The following NET1 variants were observed in gnomAD, a reference collection of about 807,000 sequenced individuals.
NET1 encodes the protein neuroepithelial cell transforming 1.
A neutral mutation model predicts 61.1 loss-of-function variants in NET1; 42 were observed. The ratio of observed to expected loss-of-function variants is 0.69; its 90% confidence interval spans 0.54 to 0.89. NET1 has a LOEUF of 0.89. NET1 is among the 40% of genes least tolerant of loss of function. The probability of loss-of-function intolerance (pLI) is 0.00; values close to 1 mark genes in which losing one functional copy is unlikely to be tolerated. For synonymous variants in NET1, 254 were observed against 281.8 expected (o/e 0.90, Z 0.99); for missense variants, 654 against 747.3 (o/e 0.88, Z 1.46).
Position 5,451,261 on chromosome 10 carries a change from C to T in NET1, c.256-569C>T, listed in dbSNP as rs1332575979. On this transcript the variant is annotated intron_variant, in intron 3 of 11. Transcript: ENST00000355029. This position sits in a 1 kb window ranked among gnomAD's most constrained non-coding sequence, Gnocchi z 6.1. The stretch of plus-strand genomic sequence containing the variant: ...CTCTTTTAACTCCTCCCTGCCTTGG[C>T]TTCAATATTTTTCAGCCCATTCCAG... 6.6e-6 allele frequency among the ~76,000 whole-genome samples: 1 copy of T among 152,106 alleles called. No homozygotes were observed. Among genetic ancestry groups the T allele is most frequent in the Non-Finnish European group, 1.5e-5 (1 of 68,010 alleles).
Position 5,453,666 on chromosome 10 carries a change from A to G in NET1, c.768+106A>G. 2 of 979,368 alleles carry G rather than the reference A, an allele frequency of 2.0e-6. No individual in the cohort carries two copies. The highest frequency in any genetic ancestry group is 3.3e-6 in the Non-Finnish European group (2 of 611,610). The allele number at this position is 979,368 out of a possible 1,614,324, so 60.7% of individuals were successfully genotyped here. On this transcript the variant is annotated intron_variant, in intron 8 of 11. Transcript: ENST00000355029. The surrounding 1 kb of genome is among the most constrained non-coding windows in gnomAD (Gnocchi z 4.9). ...TTGATCCCACAACTCTGTTCTACAA[A>G]CACATAAGGCGTTAAAACTGAACAA... is the stretch of plus-strand genomic sequence containing the variant.
intron 1 of NET1, among the ~76,000 whole-genome samples, chr10:5,419,303 C>CTTGGTTGGTTGGTTGG (rs71294428): frequency 7.0e-6 from 1 of 142,426 alleles, no homozygotes; most frequent in Non-Finnish European, 1.6e-5. Context: ...ATAGTTGGAT[C>CTTGGTTGGTTGGTTGG]TTGGTTGGTT....
At position 5,452,578 on chromosome 10, in the gene NET1, C is replaced by T. The variant is rs917231946; in HGVS notation, c.531+53C>T. ...TCCCAAAAGAACAGCAAATTGATGC[C>T]GATGGCAAAATTAACTTGGATTTTT... On this transcript the variant is annotated intron_variant, in intron 5 of 11. Transcript: ENST00000355029. The surrounding 1 kb of genome is among the most constrained non-coding windows in gnomAD (Gnocchi z 4.0). 7 of 1,534,116 alleles carry T rather than the reference C, an allele frequency of 4.6e-6. No homozygotes were observed. Among genetic ancestry groups the T allele is most frequent in the East Asian group, 2.3e-5 (1 of 43,818 alleles).
rs1348050831 is a variant in NET1 at position 5,417,450 on chromosome 10, T to C, written c.128+4630T>C. On this transcript the variant is annotated intron_variant, in intron 1 of 11. Transcript: ENST00000355029. The surrounding 1 kb of genome is among the most constrained non-coding windows in gnomAD (Gnocchi z 5.5). ...TCTACGCAGCACTTCCCTGCCCCGCTTTGTATCACTTTATTTTCAGTTTAA... is the reference window on the plus strand; with the variant it reads ...TCTACGCAGCACTTCCCTGCCCCGCCTTGTATCACTTTATTTTCAGTTTAA... Among the ~76,000 whole-genome samples the C allele has an allele frequency of 2.0e-5, 3 of 152,186 alleles. No individual in the cohort carries two copies. Among genetic ancestry groups the C allele is most frequent in the Non-Finnish European group, 4.4e-5 (3 of 68,022 alleles).
At chr10:5,433,739 T>C (rs1363643162) in intron 3 of NET1, among the ~76,000 whole-genome samples, 1 of 152,182 alleles carries the variant, frequency 6.6e-6, no homozygotes, top group Non-Finnish European at 1.5e-5. Flanking sequence ...TCTTGAATTA[T>C]ACCTTTTGGT....
chr10:5,445,442 C>T (rs1239658699), intron 3 of NET1, among the ~76,000 whole-genome samples: 1 of 152,282 alleles, frequency 6.6e-6, no homozygotes, highest in South Asian at 2.1e-4. Context: ...ACACAATGGT[C>T]TCTTTAGCAG....
chr10:5,446,596 G>A lies in NET1; in HGVS notation c.256-5234G>A. 1 of 1,210,974 alleles carries A rather than the reference G, an allele frequency of 8.3e-7. No individual in the cohort carries two copies. Among genetic ancestry groups the A allele is most frequent in the South Asian group, 3.5e-5 (1 of 28,406 alleles). The allele number at this position is 1,210,974 out of a possible 1,614,324, so 75.0% of individuals were successfully genotyped here. A position where few individuals can be genotyped will look rare whatever the true frequency, so the allele number is the denominator to read the frequency against. ...CCGAGCCCTGGGGTCGGTGCTTGCT[G>A]CCTGCGGCTCTCAGAAGCCTCTGCT... On this transcript the variant is annotated intron_variant, in intron 3 of 11. Transcript: ENST00000355029. This position sits in a 1 kb window ranked among gnomAD's most constrained non-coding sequence, Gnocchi z 5.0.
intron 3 of NET1, among the ~76,000 whole-genome samples, chr10:5,438,897 C>T (rs562907021): frequency 2.1e-4 from 32 of 152,318 alleles, no homozygotes; most frequent in African/African-American, 7.0e-4. Context: ...GCACACTGAA[C>T]CTTCATGCCT....
rs1358985013 is a variant in NET1, at chr10:5,458,163, G to T, written c.*1169G>T. On this transcript the variant is annotated 3_prime_UTR_variant, in exon 12 of 12. Coordinates refer to ENST00000355029, the MANE Select transcript of NET1 (RefSeq NM_001047160.3). This position sits in a 1 kb window ranked among gnomAD's most constrained non-coding sequence, Gnocchi z 4.5. ...TGAGTTTGAAAAGAAACAATGAAATGTGTTAAAAATTTGACCATATTAGAT... is the reference window on the plus strand; with the variant it reads ...TGAGTTTGAAAAGAAACAATGAAATTTGTTAAAAATTTGACCATATTAGAT... The T allele has an allele frequency of 6.6e-6, 1 of 152,138 alleles. No individual in the cohort carries two copies. The highest frequency in any genetic ancestry group is 1.5e-5 in the Non-Finnish European group (1 of 68,024). The allele number at this position is 152,138 out of a possible 1,614,324, so 9.4% of individuals were successfully genotyped here. A position where few individuals can be genotyped will look rare whatever the true frequency, so the allele number is the denominator to read the frequency against.
chr10:5,435,136 G>A lies in NET1; in HGVS notation c.255+5907G>A, dbSNP rs1832407562. On this transcript the variant is annotated intron_variant, in intron 3 of 11. Transcript: ENST00000355029. This position sits in a 1 kb window ranked among gnomAD's most constrained non-coding sequence, Gnocchi z 5.0. Reference sequence around the variant, plus strand: ...TGCAGATCAGAGTCACCTGAGGGTGGCTTGTGTAGCAGGAGAAGTGTGCTA... The same window carrying A: ...TGCAGATCAGAGTCACCTGAGGGTGACTTGTGTAGCAGGAGAAGTGTGCTA... Among the ~76,000 whole-genome samples, 1 of 152,196 alleles carries A rather than the reference G, an allele frequency of 6.6e-6. No homozygotes were observed. The highest frequency in any genetic ancestry group is 1.5e-5 in the Non-Finnish European group (1 of 68,034).
chr10:5,428,038 C>CCTTTTT (rs767299959), intron 2 of NET1, among the ~76,000 whole-genome samples: 2 of 113,904 alleles, frequency 1.8e-5, no homozygotes, highest in African/African-American at 3.4e-5. Flanking sequence ...TTTGCCGTTC[C>CCTTTTT]TTTTTTTTTT....
In NET1 at chr10:5,435,534, C is replaced by CAGATAGAT. The variant is rs1172341353; in HGVS notation, c.255+6308_255+6309insTAGATAGA. On this transcript the variant is annotated intron_variant, in intron 3 of 11. Coordinates refer to ENST00000355029, the MANE Select transcript of NET1 (RefSeq NM_001047160.3). This position sits in a 1 kb window ranked among gnomAD's most constrained non-coding sequence, Gnocchi z 5.0. ...ATAGATAGATAGATAGATAGATAGACAGACAGACAGATAGATAGATAGATA... is the reference window on the plus strand; with the variant it reads ...ATAGATAGATAGATAGATAGATAGACAGATAGATAGACAGACAGATAGATAGATAGATA... Among the ~76,000 whole-genome samples the CAGATAGAT allele has an allele frequency of 2.0e-3, 12 of 5,928 alleles. No homozygotes were observed. The highest frequency in any genetic ancestry group is 2.4e-3 in the African/African-American group (10 of 4,148). 3.9% of individuals were successfully genotyped at this position (5,928 alleles called of 152,430 possible). A position where few individuals can be genotyped will look rare whatever the true frequency, so the allele number is the denominator to read the frequency against.
At position 5,429,338 on chromosome 10, in the gene NET1, G is replaced by GT. The variant is rs997187504; in HGVS notation, c.255+115dup. ...CTGGTTTGGGTTTTTTTGTTTTTTT[G>GT]TTTTTTGCATTTTGTAAGTGCAAAA... On this transcript the variant is annotated intron_variant, in intron 3 of 11. Coordinates refer to ENST00000355029, the MANE Select transcript of NET1 (RefSeq NM_001047160.3). 13 of 828,450 alleles carry GT rather than the reference G, an allele frequency of 1.6e-5. No homozygotes were observed. In the African/African-American group the frequency reaches 1.9e-4, roughly 12 times the overall value. 51.3% of individuals were successfully genotyped at this position (828,450 alleles called of 1,614,324 possible). A position where few individuals can be genotyped will look rare whatever the true frequency, so the allele number is the denominator to read the frequency against.
At position 5,417,132 on chromosome 10, in the gene NET1, G is replaced by C. The variant is rs538360752; in HGVS notation, c.128+4312G>C. On this transcript the variant is annotated intron_variant, in intron 1 of 11. Coordinates refer to ENST00000355029, the MANE Select transcript of NET1 (RefSeq NM_001047160.3). This position sits in a 1 kb window ranked among gnomAD's most constrained non-coding sequence, Gnocchi z 5.5. Reference sequence around the variant, plus strand: ...TCCAACCTCCCTGGCCAAGCTCTGCGTCATTCTGCGAATCGATGGCCTGCC... The same window carrying C: ...TCCAACCTCCCTGGCCAAGCTCTGCCTCATTCTGCGAATCGATGGCCTGCC... Among the ~76,000 whole-genome samples, 2 of 151,126 alleles carry C rather than the reference G, an allele frequency of 1.3e-5. No homozygotes were observed. The highest frequency in any genetic ancestry group is 4.9e-5 in the African/African-American group (2 of 41,014).
In NET1 at chr10:5,456,658, C is replaced by T. The variant is rs113043620; in HGVS notation, c.1455C>T (p.Asp485=). ...AGTCTCACACTCTGCAAGCCAATGACGTGTTCCACAAGCAGCAGTGGTTCA... is the reference window on the plus strand; with the variant it reads ...AGTCTCACACTCTGCAAGCCAATGATGTGTTCCACAAGCAGCAGTGGTTCA... ...PAQSHTLQAN[D]VFHKQQWFNC... The change falls in exon 12 of 12, where the codon GAC becomes GAT. Residue 485 remains aspartate (D), a synonymous_variant. Transcript: ENST00000355029. The surrounding 1 kb of genome is among the most constrained non-coding windows in gnomAD (Gnocchi z 7.0). The T allele has an allele frequency of 5.1e-4, 828 of 1,613,298 alleles. 6 individuals are homozygous for T. In the African/African-American group the frequency reaches 9.6e-3, roughly 19 times the overall value.
Position 5,446,669 on chromosome 10 carries a change from C to T in NET1, c.256-5161C>T, listed in dbSNP as rs1832616755. 4 of 1,345,022 alleles carry T rather than the reference C, an allele frequency of 3.0e-6. No individual in the cohort carries two copies. The African/African-American group carries it at 5.9e-5, about 20-fold the overall frequency. 83.3% of individuals were successfully genotyped at this position (1,345,022 alleles called of 1,614,324 possible). Reference sequence around the variant, plus strand: ...CACGTGGCTGCCGAGGGTGGCCGAGCTCTGGGAAGAAAAGCCCGTGTGCCT... The same window carrying T: ...CACGTGGCTGCCGAGGGTGGCCGAGTTCTGGGAAGAAAAGCCCGTGTGCCT... On this transcript the variant is annotated intron_variant, in intron 3 of 11. Coordinates refer to ENST00000355029, the MANE Select transcript of NET1 (RefSeq NM_001047160.3). This position sits in a 1 kb window ranked among gnomAD's most constrained non-coding sequence, Gnocchi z 5.0.
In NET1 at chr10:5,446,749, GGGA is replaced by G; in HGVS notation, c.256-5079_256-5077del. The G allele has an allele frequency of 6.3e-7, 1 of 1,597,252 alleles. No homozygotes were observed. The highest frequency in any genetic ancestry group is 8.5e-7 in the Non-Finnish European group (1 of 1,170,062). ...GTGTGGATTGATTGGAAAGGTTTGA[GGGA>G]GTACTTGGGAAGCATGGTGGCACAT... On this transcript the variant is annotated intron_variant, in intron 3 of 11. Coordinates refer to ENST00000355029, the MANE Select transcript of NET1 (RefSeq NM_001047160.3). This position sits in a 1 kb window ranked among gnomAD's most constrained non-coding sequence, Gnocchi z 5.0.
chr10:5,432,068 T>C (rs1188595634), intron 3 of NET1, among the ~76,000 whole-genome samples: 2 of 152,196 alleles, frequency 1.3e-5, no homozygotes, highest in Non-Finnish European at 2.9e-5. Flanking sequence ...TCCTATTTTT[T>C]TGCTCTATGC....
rs187308317 is a variant in NET1, at chr10:5,447,067, C to A, written c.256-4763C>A. On this transcript the variant is annotated intron_variant, in intron 3 of 11. Transcript: ENST00000355029. This position sits in a 1 kb window ranked among gnomAD's most constrained non-coding sequence, Gnocchi z 4.1. Reference sequence around the variant, plus strand: ...TTATACATAGCATAGCTTGAGTGTACACAGCTTTTATAAAAAAGGAAAAGA... The same window carrying A: ...TTATACATAGCATAGCTTGAGTGTAAACAGCTTTTATAAAAAAGGAAAAGA... Among the ~76,000 whole-genome samples the A allele has an allele frequency of 3.3e-3, 507 of 152,270 alleles. No individual in the cohort carries two copies. Among genetic ancestry groups the A allele is most frequent in the Non-Finnish European group, 4.9e-3 (334 of 68,018 alleles).
Sources: gnomAD v4.1 joint callset for allele counts (sites outside exome capture counted in the v4.1 genomes callset) on GRCh38, gnomAD v4.1.1 for gene constraint, Gnocchi (gnomAD v3.1) non-coding constraint, MANE v1.5 for transcripts, NCBI Gene and HGNC (gene_info 2026-07-23, HGNC 2026-07-21) for gene names.